SEMA3D: variants seen among roughly 807,000 people sequenced by gnomAD.
SEMA3D encodes the protein semaphorin 3D.
Under a neutral mutation model 100.1 loss-of-function variants are expected in SEMA3D, and 84 were observed. The ratio of observed to expected loss-of-function variants is 0.84; its 90% CI spans 0.70 to 1.01. SEMA3D has a LOEUF of 1.01. Ranked by LOEUF, SEMA3D falls within the 50% of genes least tolerant of loss-of-function variation. The pLI is 0.00. For synonymous variants in SEMA3D, 312 were observed against 320.7 expected (o/e 0.97, Z 0.29); for missense variants, 875 against 934.1 (o/e 0.94, Z 0.82).
intron 2 of SEMA3D, among the ~76,000 whole-genome samples, chr7:85,126,412 T>TC (rs1353555333): frequency 0.015 from 2,249 of 145,492 alleles, 17 homozygotes; most frequent in Non-Finnish European, 0.017. Context: ...GTCGTGTGTG[T>TC]GTGTGTGTGT....
chr7:85,184,799 C>G (rs1014129173), intron 1 of SEMA3D, among the ~76,000 whole-genome samples: 2 of 152,200 alleles, frequency 1.3e-5, no homozygotes, highest in African/African-American at 4.8e-5. Flanking sequence ...CATTGCCCAT[C>G]TCCCTGACCA....
At chr7:85,237,627 A>T in the SEMA3D span, among the ~76,000 whole-genome samples, 2 of 152,054 alleles carry the variant, frequency 1.3e-5, no homozygotes, top group Admixed American at 6.6e-5. Context: ...ATTTCTTTTC[A>T]TTGCTGAAAA....
the SEMA3D span, among the ~76,000 whole-genome samples, chr7:85,217,346 A>G: frequency 1.3e-5 from 2 of 152,062 alleles, no homozygotes; most frequent in African/African-American, 4.8e-5. Context: ...CACTGGCTAC[A>G]TGCTTCAGTA....
chr7:85,146,799 T>C (rs1318533331), intron 2 of SEMA3D, among the ~76,000 whole-genome samples: 1 of 152,016 alleles, frequency 6.6e-6, no homozygotes, highest in African/African-American at 2.4e-5. Flanking sequence ...AGCAGAAGAC[T>C]CCAGTGAATG....
chr7:85,186,202 T>C (rs1402188231), intron 1 of SEMA3D, among the ~76,000 whole-genome samples: 1 of 152,136 alleles, frequency 6.6e-6, no homozygotes, highest in South Asian at 2.1e-4. Context: ...AGATGCCCTT[T>C]GGTCAAGTAC....
At chr7:85,151,282 T>C (rs550328998) in intron 2 of SEMA3D, among the ~76,000 whole-genome samples, 1 of 152,202 alleles carries the variant, frequency 6.6e-6, no homozygotes, top group African/African-American at 2.4e-5. Flanking sequence ...TGGGCTTGTA[T>C]AGTCTGTCCT....
intron 1 of SEMA3D, among the ~76,000 whole-genome samples, chr7:85,183,476 A>G (rs954041674): frequency 1.3e-5 from 2 of 152,174 alleles, no homozygotes; most frequent in Non-Finnish European, 2.9e-5. Context: ...AGTAGAAGAT[A>G]TGCTTCCTCT....
intron 12 of SEMA3D, among the ~76,000 whole-genome samples, chr7:85,023,650 C>T (rs1790315074): frequency 6.6e-6 from 1 of 151,756 alleles, no homozygotes; most frequent in African/African-American, 2.4e-5. Flanking sequence ...ACCATTTAAA[C>T]TTGGCACTAA....
At chr7:85,057,904 CT>C (rs1791367099) in intron 8 of SEMA3D, among the ~76,000 whole-genome samples, 1 of 152,138 alleles carries the variant, frequency 6.6e-6, no homozygotes, top group East Asian at 1.9e-4. Flanking sequence ...GCACTCCAGC[CT>C]AGGCGACAGA....
chr7:85,170,805 T>C (rs1253697794), intron 1 of SEMA3D, among the ~76,000 whole-genome samples: 1 of 151,974 alleles, frequency 6.6e-6, no homozygotes, highest in Non-Finnish European at 1.5e-5. Context: ...TGGAATAAAA[T>C]TCAAATTCCA....
At chr7:85,231,741 C>T in the SEMA3D span, among the ~76,000 whole-genome samples, 5 of 152,200 alleles carry the variant, frequency 3.3e-5, no homozygotes, top group South Asian at 4.1e-4. Context: ...TGAGCCACTG[C>T]GCCAGGCCTG....
At position 85,068,263 on chromosome 7, in the gene SEMA3D, T is replaced by G; in HGVS notation, c.517A>C (p.Thr173Pro). ...YKEDIIFKLD[T>P]HNLESGRLKC... ...AGTCTGCCAGACTCCAAATTATGTGTGTCTAGTTTGAATATAATATCCTGT... is the reference window on the plus strand; with the variant it reads ...AGTCTGCCAGACTCCAAATTATGTGGGTCTAGTTTGAATATAATATCCTGT... The change falls in exon 7 of 19, where the codon ACA becomes CCA. Residue 173 changes from threonine (T) to proline (P), a missense_variant. By Grantham distance (38) the Thr-to-Pro change is conservative. Coordinates refer to ENST00000284136, the MANE Select transcript of SEMA3D (RefSeq NM_001384900.1). 1.3e-6 allele frequency: 2 copies of G among 1,595,790 alleles called. No individual in the cohort carries two copies. Among genetic ancestry groups the G allele is most frequent in the Admixed American group, 1.7e-5 (1 of 59,978 alleles).
intron 1 of SEMA3D, among the ~76,000 whole-genome samples, chr7:85,157,443 C>T (rs1790631115): frequency 6.6e-6 from 1 of 152,114 alleles, no homozygotes; most frequent in Non-Finnish European, 1.5e-5. Flanking sequence ...GCTTAACCAG[C>T]TCCCCATTGT....
chr7:85,024,901 C>A (rs2115868099), intron 12 of SEMA3D, among the ~76,000 whole-genome samples: 1 of 151,950 alleles, frequency 6.6e-6, no homozygotes, highest in Middle Eastern at 3.4e-3. Flanking sequence ...AATGAGATGC[C>A]AAGCAATGTA....
chr7:85,011,411 G>A (rs1195338903), intron 17 of SEMA3D, among the ~76,000 whole-genome samples: 4 of 151,764 alleles, frequency 2.6e-5, no homozygotes, highest in Non-Finnish European at 5.9e-5. Flanking sequence ...ATAGGGTATG[G>A]TAAAGTGAAG....
At chr7:85,211,151 G>A in the SEMA3D span, among the ~76,000 whole-genome samples, 3 of 151,992 alleles carry the variant, frequency 2.0e-5, no homozygotes, top group African/African-American at 4.8e-5. Context: ...GGATGAATGG[G>A]CTTAAATGCA....
intron 8 of SEMA3D, among the ~76,000 whole-genome samples, chr7:85,063,670 C>T (rs1241097983): frequency 6.6e-6 from 1 of 152,144 alleles, no homozygotes; most frequent in Non-Finnish European, 1.5e-5. Context: ...GCAGTGGCCT[C>T]TTGTCTCTCT....
intron 9 of SEMA3D, among the ~76,000 whole-genome samples, chr7:85,049,618 A>G (rs557940322): frequency 2.0e-5 from 3 of 151,992 alleles, no homozygotes; most frequent in South Asian, 4.1e-4. Context: ...TGGGCACTAA[A>G]TCTCTCATTT....
At chr7:85,010,001 A>C (rs1295032184) in intron 17 of SEMA3D, among the ~76,000 whole-genome samples, 1 of 151,482 alleles carries the variant, frequency 6.6e-6, no homozygotes, top group Non-Finnish European at 1.5e-5. Context: ...AGAAAATACC[A>C]AGGGCAAAAA....
Sources: allele counts gnomAD v4.1 joint callset (sites outside exome capture counted in the v4.1 genomes callset), GRCh38; gene constraint gnomAD v4.1.1; transcripts MANE v1.5; gene names NCBI Gene and HGNC (gene_info 2026-07-23, HGNC 2026-07-21).